SGMS1: variants seen among roughly 807,000 people sequenced by gnomAD.
The protein encoded by SGMS1 is phosphatidylcholine:ceramide cholinephosphotransferase 1.
In SGMS1, 13 loss-of-function variants were observed where a neutral mutation model predicts 46.2. The observed-to-expected ratio is 0.28, with a 90% confidence interval of 0.18 to 0.45. SGMS1 has a LOEUF of 0.45. Among genes scored for constraint, SGMS1 ranks in the 20% least tolerant of loss-of-function variants. The probability of loss-of-function intolerance (pLI) is 1.00; values close to 1 mark genes in which losing one functional copy is unlikely to be tolerated. For synonymous variants in SGMS1, 203 were observed against 187.8 expected, an observed-to-expected ratio of 1.08 and a Z score of -0.66; for missense variants, 324 against 519.9, an observed-to-expected ratio of 0.62 and a Z score of 3.66.
At position 50,512,212 on chromosome 10, in the gene SGMS1, C is replaced by T. The variant is rs186859722; in HGVS notation, c.-498+7619G>A. Among the ~76,000 whole-genome samples, 690 of 152,080 alleles carry T rather than the reference C, an allele frequency of 4.5e-3. 2 individuals carry two copies. The highest frequency in any genetic ancestry group is 8.1e-3 in the Non-Finnish European group (551 of 68,004). ...TTGGGCACCTGAGAGAGGGCAGACG[C>T]AGGACAGAAGGAGATGGTGTGAGGG... On this transcript the variant is annotated intron_variant, in intron 3 of 10. Coordinates refer to ENST00000361781, the MANE Select transcript of SGMS1 (RefSeq NM_147156.4).
intron 6 of SGMS1, among the ~76,000 whole-genome samples, chr10:50,409,499 T>C (rs1162233958): frequency 6.6e-6 from 1 of 152,222 alleles, no homozygotes; most frequent in African/African-American, 2.4e-5. Flanking sequence ...CATATCTCTA[T>C]GTACCCTGGC....
intron 3 of SGMS1, among the ~76,000 whole-genome samples, chr10:50,496,247 A>G (rs1347544024): frequency 6.6e-6 from 1 of 152,238 alleles, no homozygotes; most frequent in Non-Finnish European, 1.5e-5. Context: ...TAATGGCTCT[A>G]AATGTCTTTC....
At chr10:50,339,834 G>A (rs1847783735) in intron 7 of SGMS1, among the ~76,000 whole-genome samples, 1 of 152,212 alleles carries the variant, frequency 6.6e-6, no homozygotes, top group Non-Finnish European at 1.5e-5. Flanking sequence ...TGGGCTTAAT[G>A]TGTTTGAGGA....
At position 50,532,022 on chromosome 10, in the gene SGMS1, C is replaced by T. The variant is rs961542360; in HGVS notation, c.-588-12101G>A. 3.9e-5 allele frequency among the ~76,000 whole-genome samples: 6 copies of T among 152,266 alleles called. 1 individual carries two copies. The East Asian group carries it at 1.2e-3, about 29-fold the overall frequency. On this transcript the variant is annotated intron_variant, in intron 2 of 10. Coordinates refer to ENST00000361781, the MANE Select transcript of SGMS1 (RefSeq NM_147156.4). ...ATGCACACAGAAGGCCCTTGAATAA[C>T]ACTGTTTAATTCAACTTTGTTTTGT...
At chr10:50,599,647 G>A (rs920925029) in intron 1 of SGMS1, among the ~76,000 whole-genome samples, 3 of 152,260 alleles carry the variant, frequency 2.0e-5, no homozygotes, top group Non-Finnish European at 2.9e-5. Flanking sequence ...GGCAGATCAC[G>A]AGGTCAAGAG....
At chr10:50,586,493 C>T (rs1362754635) in intron 2 of SGMS1, among the ~76,000 whole-genome samples, 1 of 152,236 alleles carries the variant, frequency 6.6e-6, no homozygotes, top group Non-Finnish European at 1.5e-5. Flanking sequence ...AACTCTTTGC[C>T]CCTCACCTAA....
intron 8 of SGMS1, among the ~76,000 whole-genome samples, chr10:50,323,609 AT>A (rs1213584737): frequency 2.0e-5 from 3 of 152,190 alleles, no homozygotes; most frequent in Non-Finnish European, 2.9e-5. Flanking sequence ...TTTAGACTAT[AT>A]TGCTAACTAT....
chr10:50,366,919 C>T (rs751694731), intron 6 of SGMS1, among the ~76,000 whole-genome samples: 21 of 152,022 alleles, frequency 1.4e-4, no homozygotes, highest in Non-Finnish European at 2.9e-4. Flanking sequence ...CAAAACTGCA[C>T]GTTCTGCACA....
chr10:50,473,258 G>T (rs1462268562), intron 3 of SGMS1, among the ~76,000 whole-genome samples: 1 of 152,046 alleles, frequency 6.6e-6, no homozygotes, highest in Non-Finnish European at 1.5e-5. Flanking sequence ...CACAAGCATG[G>T]GTTATGTCAT....
intron 2 of SGMS1, among the ~76,000 whole-genome samples, chr10:50,561,642 A>T (rs547331076): frequency 7.2e-5 from 11 of 152,352 alleles, no homozygotes; most frequent in Admixed American, 5.2e-4. Context: ...CACTTTAATG[A>T]AAGGTCAACT....
chr10:50,477,598 G>A (rs1837438932), intron 3 of SGMS1, among the ~76,000 whole-genome samples: 1 of 152,150 alleles, frequency 6.6e-6, no homozygotes, highest in Non-Finnish European at 1.5e-5. Flanking sequence ...CTTTGGCTAT[G>A]TGTCCCCACC....
At chr10:50,498,441 T>A (rs1265621857) in intron 3 of SGMS1, among the ~76,000 whole-genome samples, 1 of 152,270 alleles carries the variant, frequency 6.6e-6, no homozygotes, top group East Asian at 1.9e-4. Flanking sequence ...GTTTTCAACA[T>A]CCCAAAGAGA....
chr10:50,336,664 T>C (rs1847722181), intron 7 of SGMS1, among the ~76,000 whole-genome samples: 1 of 152,112 alleles, frequency 6.6e-6, no homozygotes, highest in Non-Finnish European at 1.5e-5. Flanking sequence ...TAAAAAAAAA[T>C]ACATCTCCAA....
intron 3 of SGMS1, among the ~76,000 whole-genome samples, chr10:50,495,587 A>C (rs11005937): frequency 0.6 from 90,531 of 151,960 alleles, 27,077 homozygotes; most frequent in Admixed American, 0.67. Context: ...TGTACTGAAG[A>C]ATGTGTAAAA....
intron 3 of SGMS1, among the ~76,000 whole-genome samples, chr10:50,476,229 G>A (rs1225738824): frequency 2.0e-5 from 3 of 146,794 alleles, no homozygotes; most frequent in African/African-American, 7.5e-5. Context: ...AGCCAAGATC[G>A]TGCCACTGCA....
At chr10:50,383,785 G>T (rs186917394) in intron 6 of SGMS1, among the ~76,000 whole-genome samples, 44 of 151,952 alleles carry the variant, frequency 2.9e-4, no homozygotes, top group Admixed American at 1.6e-3. Context: ...TAGGCACAAA[G>T]ATGCCATTTT....
At chr10:50,315,151 G>T (rs1306797008) in intron 8 of SGMS1, among the ~76,000 whole-genome samples, 1 of 152,140 alleles carries the variant, frequency 6.6e-6, no homozygotes, top group African/African-American at 2.4e-5. Flanking sequence ...TTAAAAATAA[G>T]TTTACAGTGA....
At chr10:50,596,447 G>A (rs1838594037) in intron 1 of SGMS1, among the ~76,000 whole-genome samples, 1 of 152,162 alleles carries the variant, frequency 6.6e-6, no homozygotes, top group South Asian at 2.1e-4. Flanking sequence ...CAAAGTGCTG[G>A]GCTTACAGGC....
At chr10:50,408,001 G>A (rs961218466) in intron 6 of SGMS1, among the ~76,000 whole-genome samples, 2 of 152,180 alleles carry the variant, frequency 1.3e-5, no homozygotes, top group East Asian at 1.9e-4. Flanking sequence ...GTGCTGTCCA[G>A]TAGAGCTTTC....
Sources: allele counts gnomAD v4.1 joint callset (sites outside exome capture counted in the v4.1 genomes callset), GRCh38; gene constraint gnomAD v4.1.1; transcripts MANE v1.5; gene names NCBI Gene and HGNC (gene_info 2026-07-23, HGNC 2026-07-21).